Variants in MYO10 observed in about 807,000 individuals in gnomAD.
MYO10 encodes the protein myosin X.
MYO10 carries 133 observed loss-of-function variants against 257.3 expected under a neutral mutation model. That is an observed-to-expected ratio of 0.52 (90% CI 0.45 to 0.60). The LOEUF (loss-of-function observed/expected upper bound fraction) is 0.60, where lower values mean the gene tolerates loss of function less well. Among genes scored for constraint, MYO10 ranks in the 20% least tolerant of loss-of-function variants. The pLI, the probability that MYO10 is intolerant of heterozygous loss-of-function variation, is 0.00. For missense variants in MYO10, 2,399 were observed against 2,635.7 expected, an observed-to-expected ratio of 0.91 and a Z score of 1.97; for synonymous variants, 1,104 against 1,028.6, an observed-to-expected ratio of 1.07 and a Z score of -1.40.
At chr5:16,797,451 A>C (rs562019890) in intron 3 of MYO10, among the ~76,000 whole-genome samples, 1 of 152,254 alleles carries the variant, frequency 6.6e-6, no homozygotes, top group Non-Finnish European at 1.5e-5. Context: ...AGATATTACC[A>C]TATGACCCAG....
chr5:16,900,407 C>T (rs1378351182), intron 1 of MYO10, among the ~76,000 whole-genome samples: 1 of 152,100 alleles, frequency 6.6e-6, no homozygotes, highest in African/African-American at 2.4e-5. Context: ...TTTGCAGGGG[C>T]TACAGGTTAG....
At position 16,700,973 on chromosome 5, in the gene MYO10, G is replaced by A. The variant is rs1240926610; in HGVS notation, c.3422C>T (p.Ala1141Val). 4 of 1,554,192 alleles carry A rather than the reference G, an allele frequency of 2.6e-6. No homozygotes were observed. Among genetic ancestry groups the A allele is most frequent in the Non-Finnish European group, 2.6e-6 (3 of 1,148,170 alleles). Residue 1141 changes from alanine to valine, a missense_variant, in exon 25 of 41, where the codon GCG (alanine) becomes GTG (valine). Ala to Val is a moderately conservative substitution (Grantham distance 64). This residue lies in a region of MYO10 where 1,820 missense variants were observed against 1,939.4 expected (regional missense o/e 0.94). Coordinates refer to ENST00000513610, the MANE Select transcript of MYO10 (RefSeq NM_012334.3). ...CAGGCAGGTACTTACCGAGGACTGC[G>A]CCCCCTCAGAGCTGAACCGGTAGGC... Reference protein sequence around the residue: ...SGAYRFSSEGAQSSFEDSEED... With the variant: ...SGAYRFSSEGVQSSFEDSEED...
rs1738570032 is a variant in MYO10 at position 16,710,915 on chromosome 5, T to C, written c.2162A>G (p.Lys721Arg). 2 of 1,613,416 alleles carry C rather than the reference T, an allele frequency of 1.2e-6. No homozygotes were observed. Among genetic ancestry groups the C allele is most frequent in the South Asian group, 1.1e-5 (1 of 90,826 alleles). ...DASNSEWQLG[K>R]TKVFLRESLE... is the part of the protein sequence containing the mutation. ...TCTTTCTCCGCATCGTACCTTGGTCTTCCCCAGCTGCCACTCGCTGTTGGA... is the reference window on the plus strand; with the variant it reads ...TCTTTCTCCGCATCGTACCTTGGTCCTCCCCAGCTGCCACTCGCTGTTGGA... Residue 721 changes from lysine to arginine, a missense_variant, in exon 21 of 41, where the codon AAG becomes AGG. Lys to Arg is a conservative substitution (Grantham distance 26). Coordinates refer to ENST00000513610, the MANE Select transcript of MYO10 (RefSeq NM_012334.3).
intron 2 of MYO10, among the ~76,000 whole-genome samples, chr5:16,832,374 T>C (rs1934262221): frequency 6.6e-6 from 1 of 152,046 alleles, no homozygotes; most frequent in African/African-American, 2.4e-5. Context: ...ATATAAGGGG[T>C]TTAATACATT....
chr5:16,913,612 C>A (rs1745733667), intron 1 of MYO10, among the ~76,000 whole-genome samples: 1 of 152,196 alleles, frequency 6.6e-6, no homozygotes, highest in Non-Finnish European at 1.5e-5. Context: ...TACTGACCTG[C>A]CTGCTTACAG....
intron 37 of MYO10, 132 bp from the exon 38 acceptor site, chr5:16,671,674 A>G: frequency 8.8e-7 from 1 of 1,132,562 alleles, no homozygotes; most frequent in Non-Finnish European, 1.2e-6. Flanking sequence ...CAGTGGATAG[A>G]GATGGGGATA....
chr5:16,725,082 T>TC (rs1158815810), intron 19 of MYO10, among the ~76,000 whole-genome samples: 1 of 125,696 alleles, frequency 8.0e-6, no homozygotes, highest in Non-Finnish European at 1.6e-5. Context: ...CTTCTTCTTT[T>TC]TTTTTTTTTT....
rs1409015182 is a variant in MYO10 at position 16,670,807 on chromosome 5, T to C, written c.5602A>G (p.Thr1868Ala). The change falls in exon 39 of 41, where the codon ACC becomes GCC. Residue 1868 changes from threonine to alanine, a missense_variant. Transcript: ENST00000513610. ...QRLKARISQS[T>A]KTFTPCERLE... ...CGTTCACAAGGGGTGAAGGTTTTGG[T>C]TGACTGGCTGATGCGGGCCTTGAGT... 2 of 1,614,028 alleles carry C rather than the reference T, an allele frequency of 1.2e-6. No homozygotes were observed. Among genetic ancestry groups the C allele is most frequent in the Non-Finnish European group, 1.7e-6 (2 of 1,179,904 alleles).
chr5:16,924,762 G>A (rs1216720470), intron 1 of MYO10, among the ~76,000 whole-genome samples: 1 of 151,068 alleles, frequency 6.6e-6, no homozygotes, highest in Non-Finnish European at 1.5e-5. Flanking sequence ...ATGGTCGTGG[G>A]TGGAAAGTGA....
intron 30 of MYO10, among the ~76,000 whole-genome samples, chr5:16,682,893 G>C (rs930612408): frequency 7.9e-5 from 12 of 152,162 alleles, no homozygotes; most frequent in Admixed American, 6.5e-4. Flanking sequence ...AAATTCTAAG[G>C]ATGGATCATC....
intron 1 of MYO10, among the ~76,000 whole-genome samples, chr5:16,898,608 C>T (rs1745279254): frequency 1.3e-5 from 2 of 151,804 alleles, no homozygotes; most frequent in East Asian, 2.0e-4. Flanking sequence ...GGGGTTTCAC[C>T]ATGTTGGCCA....
At chr5:16,731,484 A>G (rs1399740058) in intron 19 of MYO10, among the ~76,000 whole-genome samples, 1 of 151,758 alleles carries the variant, frequency 6.6e-6, no homozygotes, top group Non-Finnish European at 1.5e-5. Flanking sequence ...AGTAGTTAGG[A>G]CTACAGGTGT....
intron 1 of MYO10, among the ~76,000 whole-genome samples, chr5:16,924,088 T>C (rs957286084): frequency 1.2e-4 from 19 of 152,186 alleles, no homozygotes; most frequent in Admixed American, 3.3e-4. Flanking sequence ...AGACGCTGTC[T>C]CAAAAAACTA....
chr5:16,914,774 G>A (rs1011999401), intron 1 of MYO10, among the ~76,000 whole-genome samples: 1 of 152,166 alleles, frequency 6.6e-6, no homozygotes, highest in Admixed American at 6.6e-5. Context: ...CCACCTGGCC[G>A]TGAGAGCAGT....
At chr5:16,851,424 A>G (rs1743796842) in intron 2 of MYO10, among the ~76,000 whole-genome samples, 1 of 152,192 alleles carries the variant, frequency 6.6e-6, no homozygotes, top group Non-Finnish European at 1.5e-5. Flanking sequence ...CAATCAACAC[A>G]TCTTTACAAA....
chr5:16,681,564 A>G (rs928469393), intron 31 of MYO10, 61 bp from the exon 32 acceptor site: 23 of 1,463,664 alleles, frequency 1.6e-5, no homozygotes, highest in African/African-American at 2.8e-5. Flanking sequence ...AAGACCACAC[A>G]ATCATCTGCA....
At chr5:16,778,758 T>C (rs1452325682) in intron 9 of MYO10, among the ~76,000 whole-genome samples, 4 of 145,966 alleles carry the variant, frequency 2.7e-5, no homozygotes, top group South Asian at 2.3e-4. Context: ...TTGCGCGATC[T>C]CGGCTCACTG....
chr5:16,848,919 G>A (rs73060798), intron 2 of MYO10, among the ~76,000 whole-genome samples: 7,205 of 151,994 alleles, frequency 0.047, 598 homozygotes, highest in African/African-American at 0.17. Flanking sequence ...TTAAAATAAC[G>A]GCAACCAGGA....
intron 19 of MYO10, among the ~76,000 whole-genome samples, chr5:16,732,921 G>A (rs976876247): frequency 6.6e-6 from 1 of 152,146 alleles, no homozygotes; most frequent in African/African-American, 2.4e-5. Context: ...ATCACTTGAG[G>A]TCAGGAGTTT....
Sources: allele counts gnomAD v4.1 joint callset (sites outside exome capture counted in the v4.1 genomes callset), GRCh38; gene constraint gnomAD v4.1.1; regional missense constraint gnomAD v4.1.1; transcripts MANE v1.5; gene names NCBI Gene and HGNC (gene_info 2026-07-23, HGNC 2026-07-21).